ITPR1: variants seen among roughly 807,000 people sequenced by gnomAD.
The protein encoded by ITPR1 is inositol 1,4,5-trisphosphate receptor type 1.
ITPR1 carries 96 observed loss-of-function variants against 318.4 expected under a neutral mutation model. The ratio of observed to expected loss-of-function variants is 0.30; its 90% CI spans 0.26 to 0.36. The LOEUF (loss-of-function observed/expected upper bound fraction) is 0.36. Ranked by LOEUF, ITPR1 falls within the 10% of genes least tolerant of loss-of-function variation. ITPR1 has a pLI of 1.00. For missense variants in ITPR1, 2,440 were observed against 3,460.2 expected, an observed-to-expected ratio of 0.71 and a Z score of 7.40; for synonymous variants, 1,312 against 1,289.9, an observed-to-expected ratio of 1.02 and a Z score of -0.37.
intron 4 of ITPR1, among the ~76,000 whole-genome samples, chr3:4,559,780 G>A (rs2086491021): frequency 6.6e-6 from 1 of 152,208 alleles, no homozygotes; most frequent in African/African-American, 2.4e-5. Flanking sequence ...GGAACCTGAA[G>A]CCCAGGGAGA....
At chr3:4,825,690 T>A in intron 60 of ITPR1, 1 of 455,908 alleles carries the variant, frequency 2.2e-6, no homozygotes, top group East Asian at 7.0e-5. Flanking sequence ...AAATGGAAAC[T>A]TAATACCTGC....
chr3:4,794,480 G>A (rs1373026528), intron 52 of ITPR1, among the ~76,000 whole-genome samples: 1 of 152,172 alleles, frequency 6.6e-6, no homozygotes, highest in Non-Finnish European at 1.5e-5. Flanking sequence ...CAGGGAAATG[G>A]CAGATGACTC....
chr3:4,593,687 G>A (rs751904058), intron 4 of ITPR1, among the ~76,000 whole-genome samples: 3 of 152,192 alleles, frequency 2.0e-5, no homozygotes, highest in Non-Finnish European at 1.5e-5. Flanking sequence ...AAAGGCAACC[G>A]TGTTTGTTAT....
chr3:4,510,899 C>T (rs577895201), intron 2 of ITPR1, among the ~76,000 whole-genome samples: 62 of 152,158 alleles, frequency 4.1e-4, no homozygotes, highest in South Asian at 2.5e-3. Flanking sequence ...GTGTTGTGGG[C>T]TTGAGAAAAC....
At chr3:4,643,570 C>G (rs2093385248) in intron 7 of ITPR1, among the ~76,000 whole-genome samples, 1 of 148,790 alleles carries the variant, frequency 6.7e-6, no homozygotes, top group Non-Finnish European at 1.5e-5. Context: ...GACTGTGTTA[C>G]ATCACATAAT....
chr3:4,764,185 TC>T (rs1406810046), intron 44 of ITPR1, among the ~76,000 whole-genome samples: 1 of 152,082 alleles, frequency 6.6e-6, no homozygotes, highest in Non-Finnish European at 1.5e-5. Context: ...TTTTTTTGTC[TC>T]CTTTATTGAC....
chr3:4,600,126 A>G (rs1321156435), intron 4 of ITPR1, among the ~76,000 whole-genome samples: 3 of 152,194 alleles, frequency 2.0e-5, no homozygotes, highest in Non-Finnish European at 4.4e-5. Flanking sequence ...ATGTTACAAT[A>G]CATTTGTGTT....
At chr3:4,738,633 T>C (rs76420881) in intron 44 of ITPR1, among the ~76,000 whole-genome samples, 4,290 of 152,024 alleles carry the variant, frequency 0.028, 202 homozygotes, top group African/African-American at 0.099. Flanking sequence ...TCTGTGGCTC[T>C]GGTGAGATGC....
intron 19 of ITPR1, 33 bp from the exon 20 acceptor site, chr3:4,670,696 T>C (rs760334753): frequency 7.0e-6 from 10 of 1,425,666 alleles, no homozygotes; most frequent in Non-Finnish European, 9.7e-6. Context: ...TTTTTAAAAA[T>C]AGTAACTTTT....
chr3:4,610,072 G>A (rs961586255), intron 4 of ITPR1, among the ~76,000 whole-genome samples: 4 of 152,084 alleles, frequency 2.6e-5, no homozygotes, highest in African/African-American at 9.7e-5. Flanking sequence ...TTCATTCTAG[G>A]GCCACTGTGC....
chr3:4,549,724 G>A (rs2124995598), intron 4 of ITPR1, among the ~76,000 whole-genome samples: 1 of 152,198 alleles, frequency 6.6e-6, no homozygotes, highest in South Asian at 2.1e-4. Flanking sequence ...AGTAGCCTCT[G>A]GCCCTTTTTT....
At chr3:4,664,503 A>G (rs564890218) in intron 16 of ITPR1, among the ~76,000 whole-genome samples, 7 of 152,230 alleles carry the variant, frequency 4.6e-5, no homozygotes, top group African/African-American at 1.4e-4. Context: ...ATGTTGGTCT[A>G]TGATAGACAG....
In ITPR1 at chr3:4,663,141, G is replaced by A. The variant is rs753336414; in HGVS notation, c.1489G>A (p.Val497Ile). The change falls in exon 16 of 62, where the codon GTT (valine) becomes ATT (isoleucine). Residue 497 changes from valine to isoleucine, a missense_variant. By Grantham distance (29) the Val-to-Ile change is conservative. This residue lies in a region of ITPR1 where 478 missense variants were observed against 696.3 expected (regional missense o/e 0.69). Coordinates refer to ENST00000649015, the MANE Select transcript of ITPR1 (RefSeq NM_001378452.1). The stretch of plus-strand genomic sequence containing the variant: ...TAATTCTGGTCAAGATGTTCTCGAA[G>A]TTGTCTTCTCCAAGCCCAACAGAGA... ...GTNSGQDVLE[V>I]VFSKPNRERQ... 2.5e-6 allele frequency: 4 copies of A among 1,613,768 alleles called. No individual in the cohort carries two copies. Among genetic ancestry groups the A allele is most frequent in the African/African-American group, 1.3e-5 (1 of 75,018 alleles).
At chr3:4,585,602 A>G (rs1182044314) in intron 4 of ITPR1, among the ~76,000 whole-genome samples, 2 of 151,700 alleles carry the variant, frequency 1.3e-5, no homozygotes, top group Non-Finnish European at 2.9e-5. Flanking sequence ...ACGCCCGGCT[A>G]ATTTTTGTAT....
chr3:4,748,299 C>T (rs2044252743), intron 44 of ITPR1, among the ~76,000 whole-genome samples: 1 of 152,208 alleles, frequency 6.6e-6, no homozygotes, highest in African/African-American at 2.4e-5. Context: ...TGGAGCTCTG[C>T]CTACTAGAGA....
intron 60 of ITPR1, among the ~76,000 whole-genome samples, chr3:4,829,027 A>G (rs1201850910): frequency 2.0e-5 from 3 of 152,242 alleles, no homozygotes; most frequent in African/African-American, 7.2e-5. Flanking sequence ...TGCTGACTCT[A>G]TCCCAGCTCT....
At chr3:4,673,625 C>T (rs2094130491) in intron 21 of ITPR1, among the ~76,000 whole-genome samples, 1 of 152,130 alleles carries the variant, frequency 6.6e-6, no homozygotes, top group South Asian at 2.1e-4. Flanking sequence ...CTCTGTTGCC[C>T]AGGCTGAACT....
At chr3:4,692,420 T>C (rs1274085710) in intron 32 of ITPR1, among the ~76,000 whole-genome samples, 1 of 152,216 alleles carries the variant, frequency 6.6e-6, no homozygotes, top group Non-Finnish European at 1.5e-5. Context: ...TTAATCTACA[T>C]AGCACTGTGA....
chr3:4,722,011 G>C (rs1346027071), intron 40 of ITPR1, among the ~76,000 whole-genome samples: 1 of 152,194 alleles, frequency 6.6e-6, no homozygotes, highest in Non-Finnish European at 1.5e-5. Context: ...TGTGTTGCAA[G>C]TGAGTAGATC....
Sources: allele counts gnomAD v4.1 joint callset (sites outside exome capture counted in the v4.1 genomes callset), GRCh38; gene constraint gnomAD v4.1.1; regional missense constraint gnomAD v4.1.1; transcripts MANE v1.5; gene names NCBI Gene and HGNC (gene_info 2026-07-23, HGNC 2026-07-21).